The following CADM2 variants were observed in gnomAD, a reference collection of about 807,000 sequenced individuals.
The protein encoded by CADM2 is cell adhesion molecule 2.
A neutral mutation model predicts 49.8 loss-of-function variants in CADM2; 12 were observed. The ratio of observed to expected loss-of-function variants is 0.24; its 90% CI spans 0.15 to 0.39. CADM2 has a LOEUF of 0.39. Among genes scored for constraint, CADM2 ranks in the 10% least tolerant of loss-of-function variants. The probability of loss-of-function intolerance (pLI) is 1.00; values close to 1 mark genes in which losing one functional copy is unlikely to be tolerated. For missense variants in CADM2, 378 were observed against 492.3 expected (o/e 0.77, Z 2.20); for synonymous variants, 214 against 175.4 (o/e 1.22, Z -1.74).
intron 1 of CADM2, among the ~76,000 whole-genome samples, chr3:85,203,562 T>G (rs1016610937): frequency 5.9e-5 from 9 of 152,220 alleles, no homozygotes; most frequent in Admixed American, 6.5e-5. Context: ...ATGAAAACAT[T>G]TGAAATACTG....
chr3:85,066,067 G>A (rs2036518165), intron 1 of CADM2, among the ~76,000 whole-genome samples: 1 of 152,164 alleles, frequency 6.6e-6, no homozygotes, highest in South Asian at 2.1e-4. Flanking sequence ...TAATTGAACA[G>A]AGTAAAATGC....
intron 5 of CADM2, among the ~76,000 whole-genome samples, chr3:85,906,421 C>T (rs1388464162): frequency 6.6e-6 from 1 of 152,034 alleles, no homozygotes; most frequent in African/African-American, 2.4e-5. Flanking sequence ...AATAATCTTC[C>T]ATAAACATTA....
At chr3:85,905,664 ATAAT>A (rs762555037) in intron 5 of CADM2, among the ~76,000 whole-genome samples, 1 of 152,114 alleles carries the variant, frequency 6.6e-6, no homozygotes, top group Admixed American at 6.5e-5. Flanking sequence ...AAAAAGAAAA[ATAAT>A]TAGTAAAAAA....
chr3:85,504,934 T>G (rs2040266686), intron 1 of CADM2, among the ~76,000 whole-genome samples: 1 of 152,102 alleles, frequency 6.6e-6, no homozygotes, highest in Non-Finnish European at 1.5e-5. Flanking sequence ...AAGCCCCTCA[T>G]TGCCCGGGGC....
intron 1 of CADM2, among the ~76,000 whole-genome samples, chr3:85,514,678 CT>C (rs2060850926): frequency 6.6e-6 from 1 of 152,080 alleles, no homozygotes. Flanking sequence ...CAATTTGAGG[CT>C]ATCACAGTCT....
intron 5 of CADM2, among the ~76,000 whole-genome samples, chr3:85,899,503 G>A (rs565969017): frequency 8.6e-5 from 13 of 151,938 alleles, no homozygotes; most frequent in Non-Finnish European, 1.5e-4. Context: ...CAGCATTTTC[G>A]TGCTTCTTTG....
chr3:85,850,611 A>C (rs2075070262), intron 3 of CADM2, among the ~76,000 whole-genome samples: 1 of 152,152 alleles, frequency 6.6e-6, no homozygotes, highest in Non-Finnish European at 1.5e-5. Context: ...TACAGGCGTG[A>C]GCCACCGCAC....
chr3:85,239,120 C>T (rs2042473228), intron 1 of CADM2, among the ~76,000 whole-genome samples: 1 of 151,756 alleles, frequency 6.6e-6, no homozygotes, highest in South Asian at 2.1e-4. Flanking sequence ...CTTTATCACT[C>T]AATGTCATGA....
intron 1 of CADM2, among the ~76,000 whole-genome samples, chr3:85,704,524 A>T (rs2066877518): frequency 1.3e-5 from 2 of 152,288 alleles, no homozygotes; most frequent in South Asian, 2.1e-4. Context: ...CACATGGCAC[A>T]GAGAAGACAT....
chr3:85,139,123 G>A (rs775491336), intron 1 of CADM2, among the ~76,000 whole-genome samples: 18 of 152,106 alleles, frequency 1.2e-4, no homozygotes, highest in African/African-American at 3.9e-4. Flanking sequence ...CAACCCTGCC[G>A]CTAATCTTTC....
chr3:85,487,680 C>A (rs1383178811), intron 1 of CADM2, among the ~76,000 whole-genome samples: 1 of 151,432 alleles, frequency 6.6e-6, no homozygotes, highest in Non-Finnish European at 1.5e-5. Flanking sequence ...ACAGCAATTG[C>A]AAGAATGGAA....
intron 8 of CADM2, among the ~76,000 whole-genome samples, chr3:85,968,471 TGA>T (rs1348079383): frequency 3.3e-5 from 5 of 151,692 alleles, no homozygotes; most frequent in African/African-American, 7.2e-5. Flanking sequence ...AAAATTCTGT[TGA>T]GAGATGCCAT....
At chr3:85,471,061 A>C (rs2107609030) in intron 1 of CADM2, among the ~76,000 whole-genome samples, 1 of 152,296 alleles carries the variant, frequency 6.6e-6, no homozygotes, top group Non-Finnish European at 1.5e-5. Context: ...AACAAACTAA[A>C]GCTGCTCTAA....
chr3:85,839,377 A>C (rs1307604933), intron 3 of CADM2, among the ~76,000 whole-genome samples: 1 of 151,840 alleles, frequency 6.6e-6, no homozygotes, highest in Non-Finnish European at 1.5e-5. Context: ...TAATATTTAT[A>C]ATACTCTCTC....
rs189191498 is a variant in CADM2 at position 85,376,087 on chromosome 3, C to T, written c.62-350435C>T. On this transcript the variant is annotated intron_variant, in intron 1 of 9. Transcript: ENST00000383699. Reference sequence around the variant, plus strand: ...ATTATCAATTTAACAGATAATAAAACTAATCATTGTCAAAGAACACCCAAG... The same window carrying T: ...ATTATCAATTTAACAGATAATAAAATTAATCATTGTCAAAGAACACCCAAG... Among the ~76,000 whole-genome samples, 437 of 152,014 alleles carry T rather than the reference C, an allele frequency of 2.9e-3. 1 individual carries two copies. Among genetic ancestry groups the T allele is most frequent in the African/African-American group, 0.01 (425 of 41,472 alleles).
At chr3:85,747,340 A>AACTATTCATTCACATTAAGTATT (rs1476840685) in intron 2 of CADM2, among the ~76,000 whole-genome samples, 11 of 152,146 alleles carry the variant, frequency 7.2e-5, no homozygotes, top group Non-Finnish European at 1.0e-4. Context: ...TGAATAGTTA[A>AACTATTCATTCACATTAAGTATT]CACATTACTT....
intron 1 of CADM2, among the ~76,000 whole-genome samples, chr3:85,449,083 A>ATT (rs59973385): frequency 6.7e-6 from 1 of 148,230 alleles, no homozygotes; most frequent in Non-Finnish European, 1.5e-5. Flanking sequence ...TAATGATAAA[A>ATT]ATTATATAAT....
At chr3:85,659,925 A>G (rs2065347664) in intron 1 of CADM2, among the ~76,000 whole-genome samples, 1 of 152,174 alleles carries the variant, frequency 6.6e-6, no homozygotes, top group African/African-American at 2.4e-5. Context: ...GCAAGACTTC[A>G]ATTTAAAAAA....
chr3:85,763,070 A>G (rs1236851575), intron 2 of CADM2, among the ~76,000 whole-genome samples: 5 of 152,176 alleles, frequency 3.3e-5, no homozygotes, highest in African/African-American at 9.6e-5. Context: ...GCTTCCTGAT[A>G]AGACAATGAG....
Sources: gnomAD v4.1 joint callset for allele counts (sites outside exome capture counted in the v4.1 genomes callset) on GRCh38, gnomAD v4.1.1 for gene constraint, MANE v1.5 for transcripts, NCBI Gene and HGNC (gene_info 2026-07-23, HGNC 2026-07-21) for gene names.